Variants in EIF5B observed in about 807,000 individuals in gnomAD.
The protein encoded by EIF5B is eukaryotic translation initiation factor 5B.
EIF5B carries 47 observed loss-of-function variants against 147.5 expected under a neutral mutation model. The observed-to-expected ratio is 0.32, with a 90% confidence interval of 0.25 to 0.41. The LOEUF (loss-of-function observed/expected upper bound fraction) is 0.41, where lower values mean the gene tolerates loss of function less well. Ranked by LOEUF, EIF5B falls within the 10% of genes least tolerant of loss-of-function variation. The probability of loss-of-function intolerance (pLI) is 1.00; values close to 1 mark genes in which losing one functional copy is unlikely to be tolerated. For synonymous variants in EIF5B, 455 were observed against 456.2 expected (o/e 1.00, Z 0.03); for missense variants, 1,064 against 1,413.2 (o/e 0.75, Z 3.96).
Position 99,390,649 on chromosome 2 carries a change from G to C in EIF5B, c.2692G>C (p.Val898Leu). 10 of 1,612,292 alleles carry C rather than the reference G, an allele frequency of 6.2e-6. No individual in the cohort carries two copies. Among genetic ancestry groups the C allele is most frequent in the Non-Finnish European group, 8.5e-6 (10 of 1,178,478 alleles). Reference protein sequence around the residue: ...IIVPGVEGPIVTQIRGLLLPP... With the variant: ...IIVPGVEGPILTQIRGLLLPP... ...TGTTCCTGGAGTAGAAGGGCCCATT[G>C]TAACTCAGATTCGAGGCCTCCTGTT... The change falls in exon 17 of 24, where the codon GTA becomes CTA. Residue 898 changes from valine (V) to leucine (L), a missense_variant. Coordinates refer to ENST00000289371, the MANE Select transcript of EIF5B (RefSeq NM_015904.4).
rs1270475725 is a variant in EIF5B, at chr2:99,399,751, A to AAATC, written c.*339_*342dup. On this transcript the variant is annotated 3_prime_UTR_variant, in exon 24 of 24. Coordinates refer to ENST00000289371, the MANE Select transcript of EIF5B (RefSeq NM_015904.4). ...AAGCTCTTTCGATTTTATACTGATT[A>AAATC]AATCAGTACTGCAGTATTTGATTAA... The AAATC allele has an allele frequency of 4.3e-6, 1 of 232,516 alleles. No individual in the cohort carries two copies. Among genetic ancestry groups the AAATC allele is most frequent in the African/African-American group, 2.2e-5 (1 of 44,990 alleles). 14.4% of individuals were successfully genotyped at this position (232,516 alleles called of 1,614,324 possible). A position where few individuals can be genotyped will look rare whatever the true frequency, so the allele number is the denominator to read the frequency against.
In EIF5B at chr2:99,399,581, T is replaced by C; in HGVS notation, c.*167T>C. On this transcript the variant is annotated 3_prime_UTR_variant, in exon 24 of 24. Coordinates refer to ENST00000289371, the MANE Select transcript of EIF5B (RefSeq NM_015904.4). Reference sequence around the variant, plus strand: ...GTTTTCCATGAGAAACCAAGAAACTTACACTGGTTTGACAGTGGTCAGTTA... The same window carrying C: ...GTTTTCCATGAGAAACCAAGAAACTCACACTGGTTTGACAGTGGTCAGTTA... 1 of 603,642 alleles carries C rather than the reference T, an allele frequency of 1.7e-6. No homozygotes were observed. The highest frequency in any genetic ancestry group is 1.9e-5 in the South Asian group (1 of 51,746). The allele number at this position is 603,642 out of a possible 1,614,324, so 37.4% of individuals were successfully genotyped here.
In EIF5B at chr2:99,390,562, A is replaced by C. The variant is rs372326261; in HGVS notation, c.2605A>C (p.Met869Leu). 5.8e-5 allele frequency: 94 copies of C among 1,607,376 alleles called. No homozygotes were observed. In the East Asian group the frequency reaches 1.3e-3, roughly 22 times the overall value. ...CTTTTAGGTTAAAGCTCTCCCGGGG[A>C]TGGGCACCACTATAGATGTCATCTT... ...QVMEVKALPG[M>L]GTTIDVILIN... The change falls in exon 17 of 24, where the codon ATG (methionine) becomes CTG (leucine). Residue 869 changes from methionine (M) to leucine (L), a missense_variant. This residue lies in a region of EIF5B where 380 missense variants were observed against 715.6 expected (regional missense o/e 0.53). Transcript: ENST00000289371.
Position 99,392,894 on chromosome 2 carries a change from A to T in EIF5B, c.2749-73A>T, listed in dbSNP as rs1430513338. ...AACCTCTCTCTAATATCATGATGAG[A>T]TTCTCTTATATCATCTTCTACTGCT... On this transcript the variant is annotated intron_variant, in intron 17 of 23. Coordinates refer to ENST00000289371, the MANE Select transcript of EIF5B (RefSeq NM_015904.4). 20 of 1,279,894 alleles carry T rather than the reference A, an allele frequency of 1.6e-5. No homozygotes were observed. The East Asian group carries it at 5.1e-4, about 32-fold the overall frequency. 79.3% of individuals were successfully genotyped at this position (1,279,894 alleles called of 1,614,324 possible).
chr2:99,343,851 C>T (rs529305722), intron 1 of EIF5B, among the ~76,000 whole-genome samples: 5 of 151,410 alleles, frequency 3.3e-5, no homozygotes, highest in South Asian at 2.1e-4. Context: ...ATTGCCTTAT[C>T]TCTTGCATTT....
intron 18 of EIF5B, among the ~76,000 whole-genome samples, chr2:99,393,463 G>C (rs1389039257): frequency 6.6e-6 from 1 of 151,754 alleles, no homozygotes; most frequent in Non-Finnish European, 1.5e-5. Flanking sequence ...CCAAGATCGT[G>C]CCACTGCACT....
intron 12 of EIF5B, among the ~76,000 whole-genome samples, chr2:99,381,701 T>C (rs1674692933): frequency 6.6e-6 from 1 of 152,122 alleles, no homozygotes. Context: ...ATGCATTTAC[T>C]CTTTAACACT....
At chr2:99,338,649 T>G (rs967690505) in intron 1 of EIF5B, among the ~76,000 whole-genome samples, 1 of 152,208 alleles carries the variant, frequency 6.6e-6, no homozygotes, top group African/African-American at 2.4e-5. Flanking sequence ...CAGTTTTAGG[T>G]CTATTGGAGG....
rs116847704 is a variant in EIF5B, at chr2:99,396,335, G to A, written c.3255-425G>A. On this transcript the variant is annotated intron_variant, in intron 21 of 23. Coordinates refer to ENST00000289371, the MANE Select transcript of EIF5B (RefSeq NM_015904.4). ...GTGGAGAAAAGGAGGGTGATAATAC[G>A]GTCTGATGCCTATGTGATCCCCCAG... is the stretch of plus-strand genomic sequence containing the variant. Among the ~76,000 whole-genome samples, 460 of 152,212 alleles carry A rather than the reference G, an allele frequency of 3.0e-3. 13 individuals are homozygous for A. In the East Asian group the frequency reaches 0.052, roughly 17 times the overall value.
chr2:99,359,262 G>A (rs2141907), intron 1 of EIF5B, among the ~76,000 whole-genome samples: 32,761 of 151,488 alleles, frequency 0.22, 4,122 homozygotes, highest in Admixed American at 0.31. Context: ...CCAGCTACTC[G>A]GGAGGCTGAG....
rs1674637973 is a variant in EIF5B at position 99,379,144 on chromosome 2, G to A, written c.1950+18G>A. ...TAGATAAGGTAAGAAAGTATTAAAT[G>A]TATTGATAGAACTTTGAAAATAAGT... On this transcript the variant is annotated intron_variant, in intron 11 of 23. Transcript: ENST00000289371. The A allele has an allele frequency of 6.4e-7, 1 of 1,567,724 alleles. No homozygotes were observed. Among genetic ancestry groups the A allele is most frequent in the Non-Finnish European group, 8.7e-7 (1 of 1,155,212 alleles).
chr2:99,369,014 T>C (rs2104196229), intron 7 of EIF5B, among the ~76,000 whole-genome samples: 1 of 152,384 alleles, frequency 6.6e-6, no homozygotes, highest in South Asian at 2.1e-4. Flanking sequence ...GGCTCACGCC[T>C]GTAATCCCAG....
intron 1 of EIF5B, among the ~76,000 whole-genome samples, chr2:99,354,593 A>G (rs1397147701): frequency 6.6e-6 from 1 of 152,020 alleles, no homozygotes; most frequent in Non-Finnish European, 1.5e-5. Flanking sequence ...TTAGTGCTAG[A>G]TCTGAAAGAT....
intron 1 of EIF5B, among the ~76,000 whole-genome samples, chr2:99,358,882 C>A (rs1271690025): frequency 6.6e-6 from 1 of 152,144 alleles, no homozygotes; most frequent in Non-Finnish European, 1.5e-5. Flanking sequence ...TCAATTCTGG[C>A]CAACTATTTA....
rs1460053402 is a variant in EIF5B, at chr2:99,337,577, A to G, written c.23A>G (p.Lys8Arg). 1 of 1,613,054 alleles carries G rather than the reference A, an allele frequency of 6.2e-7. No individual in the cohort carries two copies. Among genetic ancestry groups the G allele is most frequent in the Admixed American group, 1.7e-5 (1 of 59,922 alleles). ...GCAATGGGGAAGAAACAGAAAAACAAGAGCGAAGACAGGTAGATAGGGGTT... is the reference window on the plus strand; with the variant it reads ...GCAATGGGGAAGAAACAGAAAAACAGGAGCGAAGACAGGTAGATAGGGGTT... MGKKQKN[K>R]SEDSTKDDID... is the part of the protein sequence containing the mutation. Residue 8 changes from lysine (K) to arginine (R), a missense_variant, in exon 1 of 24, where the codon AAG (lysine) becomes AGG (arginine). By Grantham distance (26) the Lys-to-Arg change is conservative. This residue lies in a region of EIF5B where 458 missense variants were observed against 451.3 expected (regional missense o/e 1.01). Transcript: ENST00000289371.
intron 17 of EIF5B, among the ~76,000 whole-genome samples, chr2:99,391,716 T>C (rs1674933850): frequency 6.6e-6 from 1 of 152,034 alleles, no homozygotes; most frequent in Admixed American, 6.6e-5. Context: ...AGTGTGTACT[T>C]TTATAGCTGG....
Position 99,390,284 on chromosome 2 carries a change from C to T in EIF5B, c.2469C>T (p.Thr823=). ...GCACTTTTGTGTCTTTGGTACCTAC[C>T]TCTGCACATACTGGTGATGGCATGG... ...DPRTFVSLVP[T]SAHTGDGMGS... The change falls in exon 16 of 24, where the codon ACC becomes ACT. Residue 823 remains threonine, a synonymous_variant. Transcript: ENST00000289371. The T allele has an allele frequency of 6.2e-7, 1 of 1,614,102 alleles. No homozygotes were observed. The highest frequency in any genetic ancestry group is 8.5e-7 in the Non-Finnish European group (1 of 1,180,012).
intron 14 of EIF5B, among the ~76,000 whole-genome samples, chr2:99,389,297 AAAT>A (rs1674874326): frequency 6.6e-6 from 1 of 152,224 alleles, no homozygotes; most frequent in African/African-American, 2.4e-5. Context: ...TTGAGCAATA[AAAT>A]AATTAAAATA....
At chr2:99,362,194 T>C (rs1027370581) in intron 4 of EIF5B, among the ~76,000 whole-genome samples, 1 of 152,208 alleles carries the variant, frequency 6.6e-6, no homozygotes, top group Non-Finnish European at 1.5e-5. Context: ...CCTAGTTCAA[T>C]TTATGAAATT....
Sources: allele counts gnomAD v4.1 joint callset (sites outside exome capture counted in the v4.1 genomes callset), GRCh38; gene constraint gnomAD v4.1.1; regional missense constraint gnomAD v4.1.1; transcripts MANE v1.5; gene names NCBI Gene and HGNC (gene_info 2026-07-23, HGNC 2026-07-21).